Variants in CFAP95 observed in about 807,000 individuals in gnomAD.
CFAP95 encodes cilia and flagella associated protein 95.
chr9:69,869,218 A>G, the CFAP95 span, among the ~76,000 whole-genome samples: 1 of 152,232 alleles, frequency 6.6e-6, no homozygotes. Flanking sequence ...AGCATTATTC[A>G]CAATCGCCAA....
chr9:69,833,704 T>C, the CFAP95 span, among the ~76,000 whole-genome samples: 1 of 152,142 alleles, frequency 6.6e-6, no homozygotes, highest in Non-Finnish European at 1.5e-5. Flanking sequence ...TGTTATAATC[T>C]GGGGATGATA....
At chr9:69,869,067 C>A in the CFAP95 span, among the ~76,000 whole-genome samples, 1 of 152,124 alleles carries the variant, frequency 6.6e-6, no homozygotes, top group East Asian at 1.9e-4. Flanking sequence ...ATGGTACAGA[C>A]ATTATGGAAA....
At chr9:69,884,731 C>G in the CFAP95 span, 1 of 151,750 alleles carries the variant, frequency 6.6e-6, no homozygotes, top group Non-Finnish European at 1.5e-5. Context: ...GGCTTAACCC[C>G]TTTATTTTTA....
the CFAP95 span, among the ~76,000 whole-genome samples, chr9:69,897,288 T>C: frequency 1.1e-4 from 16 of 152,316 alleles, no homozygotes; most frequent in African/African-American, 3.9e-4. Context: ...ATAGGCATAC[T>C]GGGGAAGAAT....
At chr9:69,850,642 G>A in the CFAP95 span, among the ~76,000 whole-genome samples, 1 of 152,078 alleles carries the variant, frequency 6.6e-6, no homozygotes, top group Non-Finnish European at 1.5e-5. Context: ...GATGCTTCTT[G>A]CATTCATATC....
the CFAP95 span, among the ~76,000 whole-genome samples, chr9:69,822,162 G>A: frequency 6.6e-6 from 1 of 152,084 alleles, no homozygotes. Flanking sequence ...GGAGTGGTTG[G>A]AATATTTGGG....
At chr9:69,852,157 T>C in the CFAP95 span, among the ~76,000 whole-genome samples, 1 of 150,242 alleles carries the variant, frequency 6.7e-6, no homozygotes, top group African/African-American at 2.4e-5. Context: ...AATCAAGCCT[T>C]TGTATATATT....
chr9:69,844,533 G>T, the CFAP95 span: 8 of 1,599,026 alleles, frequency 5.0e-6, no homozygotes, highest in Non-Finnish European at 6.8e-6. Flanking sequence ...TGACAGAGAA[G>T]CTTTTCCCAA....
the CFAP95 span, among the ~76,000 whole-genome samples, chr9:69,834,435 AG>A: frequency 0.013 from 1,945 of 152,296 alleles, 36 homozygotes; most frequent in African/African-American, 0.042. Context: ...TCCCTCTAAA[AG>A]TGTCCCAGGT....
chr9:69,879,585 T>C, the CFAP95 span, among the ~76,000 whole-genome samples: 1 of 146,786 alleles, frequency 6.8e-6, no homozygotes, highest in Non-Finnish European at 1.5e-5. Flanking sequence ...GGTTTTAACA[T>C]TAAAATGAGG....
the CFAP95 span, among the ~76,000 whole-genome samples, chr9:69,878,806 A>T: frequency 6.6e-6 from 1 of 152,226 alleles, no homozygotes; most frequent in African/African-American, 2.4e-5. Flanking sequence ...AAGAGGTTTA[A>T]TTGGCTCACA....
the CFAP95 span, chr9:69,856,472 G>C: frequency 1.4e-6 from 1 of 691,124 alleles, no homozygotes; most frequent in Non-Finnish European, 2.4e-6. Flanking sequence ...AAATCAGAAT[G>C]TACTTCAATA....
chr9:69,889,035 A>G, the CFAP95 span, among the ~76,000 whole-genome samples: 1 of 152,232 alleles, frequency 6.6e-6, no homozygotes, highest in African/African-American at 2.4e-5. Context: ...AATATTTAGT[A>G]TTACTGAAAC....
the CFAP95 span, among the ~76,000 whole-genome samples, chr9:69,826,388 G>A: frequency 7.2e-5 from 11 of 152,164 alleles, no homozygotes; most frequent in Admixed American, 1.3e-4. Context: ...AGCATTTAGA[G>A]TTCCTCCTGT....
At chr9:69,877,210 G>A in the CFAP95 span, among the ~76,000 whole-genome samples, 3 of 152,088 alleles carry the variant, frequency 2.0e-5, no homozygotes, top group Non-Finnish European at 4.4e-5. Context: ...TAACTTGTAA[G>A]GCCATTTCCA....
At chr9:69,848,457 C>G in the CFAP95 span, among the ~76,000 whole-genome samples, 1 of 152,276 alleles carries the variant, frequency 6.6e-6, no homozygotes, top group African/African-American at 2.4e-5. Flanking sequence ...TTCAATGTTC[C>G]CAGAGGTGAT....
the CFAP95 span, among the ~76,000 whole-genome samples, chr9:69,883,461 C>T: frequency 2.6e-5 from 4 of 152,160 alleles, no homozygotes; most frequent in African/African-American, 9.7e-5. Flanking sequence ...TATGAACATG[C>T]TGACCTTAGC....
chr9:69,888,589 C>T, the CFAP95 span, among the ~76,000 whole-genome samples: 96,192 of 152,072 alleles, frequency 0.63, 30,738 homozygotes, highest in East Asian at 0.82. Context: ...AAACATACTA[C>T]TTGAGGCTAG....
chr9:69,887,713 G>T, the CFAP95 span, among the ~76,000 whole-genome samples: 4 of 152,218 alleles, frequency 2.6e-5, no homozygotes, highest in African/African-American at 9.6e-5. Flanking sequence ...TGAAGGTGAG[G>T]ATTCCTCCAT....
Sources: gnomAD v4.1 joint callset for allele counts (sites outside exome capture counted in the v4.1 genomes callset) on GRCh38, gnomAD v4.1.1 for gene constraint, MANE v1.5 for transcripts, NCBI Gene and HGNC (gene_info 2026-07-23, HGNC 2026-07-21) for gene names.